The following ERICH1 variants were observed in gnomAD, a reference collection of about 807,000 sequenced individuals.
The protein encoded by ERICH1 is glutamate-rich protein 1.
In ERICH1, 56 loss-of-function variants were observed where a neutral mutation model predicts 39.6. The observed-to-expected ratio is 1.41, with a 90% CI of 1.14 to 1.77. The LOEUF is 1.77. ERICH1 is among the 40% of genes most tolerant of loss of function. The probability of loss-of-function intolerance (pLI) is 0.00; values close to 1 mark genes in which losing one functional copy is unlikely to be tolerated. For synonymous variants in ERICH1, 313 were observed against 223.6 expected (o/e 1.40, Z -3.57); for missense variants, 826 against 575.4 (o/e 1.44, Z -4.45).
intron 3 of ERICH1, among the ~76,000 whole-genome samples, chr8:648,120 C>T (rs1008596534): frequency 1.5e-5 from 1 of 67,172 alleles, no homozygotes; most frequent in African/African-American, 3.9e-5. Context: ...AAACAGGCTG[C>T]GAAGAGGCGA....
chr8:727,958 G>A (rs1432127413), intron 1 of ERICH1, among the ~76,000 whole-genome samples: 1 of 152,184 alleles, frequency 6.6e-6, no homozygotes, highest in Non-Finnish European at 1.5e-5. Context: ...AGGCGGTGAG[G>A]ACAGGCCTCA....
At chr8:622,796 AT>A (rs1159221707) in intron 3 of ERICH1, among the ~76,000 whole-genome samples, 4 of 151,970 alleles carry the variant, frequency 2.6e-5, no homozygotes, top group Non-Finnish European at 1.5e-5. Flanking sequence ...CTATAAAAAA[AT>A]TTTTTTAAAA....
chr8:649,761 A>G (rs556440126), intron 3 of ERICH1, among the ~76,000 whole-genome samples: 20 of 152,258 alleles, frequency 1.3e-4, no homozygotes, highest in African/African-American at 4.6e-4. Context: ...GAGCGCAGGC[A>G]CCATCCATCC....
intron 3 of ERICH1, among the ~76,000 whole-genome samples, chr8:655,533 C>T (rs900073205): frequency 2.0e-5 from 3 of 152,200 alleles, no homozygotes; most frequent in African/African-American, 7.2e-5. Context: ...TTGCTGTGGT[C>T]AGTTGCTGGG....
intron 3 of ERICH1, among the ~76,000 whole-genome samples, chr8:692,008 C>G (rs547708707): frequency 6.6e-6 from 1 of 152,142 alleles, no homozygotes; most frequent in African/African-American, 2.4e-5. Flanking sequence ...GTACGACATG[C>G]AACAACAATA....
rs1177882256 is a variant in ERICH1 at position 687,740 on chromosome 8, G to C, written c.304+4738C>G. ...CTGCGGCCAGTGCCCGCCGCGCCCG[G>C]GGGAGCGCGCCAGGCCCGCGGGGCC... On this transcript the variant is annotated intron_variant, in intron 3 of 5. Coordinates refer to ENST00000262109, the MANE Select transcript of ERICH1 (RefSeq NM_207332.3). Among the ~76,000 whole-genome samples the C allele has an allele frequency of 2.0e-5, 3 of 152,152 alleles. 1 individual carries two copies. Among genetic ancestry groups the C allele is most frequent in the South Asian group, 4.1e-4 (2 of 4,832 alleles).
At chr8:664,005 T>A (rs557564866), downstream of ERICH1, among the ~76,000 whole-genome samples, 2 of 152,278 alleles carry the variant, frequency 1.3e-5, no homozygotes, top group South Asian at 4.1e-4. Flanking sequence ...GTGATCCGCC[T>A]GCCTCGGTCT....
intron 3 of ERICH1, among the ~76,000 whole-genome samples, chr8:636,044 G>A (rs1798411166): frequency 6.6e-6 from 1 of 152,240 alleles, no homozygotes; most frequent in African/African-American, 2.4e-5. Context: ...GAGGCTGTGG[G>A]CTCCTTCATG....
At chr8:641,230 A>G (rs1290820314) in intron 3 of ERICH1, 4 of 152,206 alleles carry the variant, frequency 2.6e-5, no homozygotes, top group Non-Finnish European at 5.9e-5. Context: ...TTGGTTTTAC[A>G]AATTTCCTTA....
chr8:664,828 T>C (rs1801947351), intron 5 of ERICH1, 152 bp from the exon 6 acceptor site: 2 of 601,596 alleles, frequency 3.3e-6, no homozygotes, highest in South Asian at 2.2e-5. Flanking sequence ...ATGTTGAAAG[T>C]GACACATTAT....
rs541637515 is a variant in ERICH1 at position 719,081 on chromosome 8, G to A, written c.23-3074C>T. Among the ~76,000 whole-genome samples the A allele has an allele frequency of 3.9e-5, 6 of 152,236 alleles. No homozygotes were observed. In the East Asian group the frequency reaches 9.7e-4, roughly 25 times the overall value. On this transcript the variant is annotated intron_variant, in intron 1 of 5. Transcript: ENST00000262109. Reference sequence around the variant, plus strand: ...GCAGGTCCCAGACTCACCTCCCACCGGGAGCCCAGGCCCTGGGGCCACTGC... The same window carrying A: ...GCAGGTCCCAGACTCACCTCCCACCAGGAGCCCAGGCCCTGGGGCCACTGC...
At chr8:634,172 A>AC (rs1420445688) in intron 3 of ERICH1, among the ~76,000 whole-genome samples, 253 of 77,134 alleles carry the variant, frequency 3.3e-3, no homozygotes, top group African/African-American at 0.017. Context: ...AAAACTCAAA[A>AC]AAAAAAAAAA....
intron 1 of ERICH1, among the ~76,000 whole-genome samples, chr8:723,544 C>T (rs890815466): frequency 5.3e-5 from 8 of 152,206 alleles, no homozygotes; most frequent in African/African-American, 1.7e-4. Context: ...ACTAAAACCA[C>T]AAAACACACA....
intron 3 of ERICH1, among the ~76,000 whole-genome samples, chr8:630,698 G>T (rs867744135): frequency 1.6e-5 from 1 of 63,564 alleles, no homozygotes; most frequent in African/African-American, 6.0e-5. Flanking sequence ...GCACCCACAC[G>T]GACAGAGCTG....
chr8:685,901 T>G (rs774961780), intron 3 of ERICH1, among the ~76,000 whole-genome samples: 2 of 151,782 alleles, frequency 1.3e-5, no homozygotes, highest in Non-Finnish European at 2.9e-5. Flanking sequence ...TTCCAGCAAT[T>G]TGGGAGGCCA....
At chr8:663,328 G>T (rs1801711988), downstream of ERICH1, among the ~76,000 whole-genome samples, 1 of 152,206 alleles carries the variant, frequency 6.6e-6, no homozygotes, top group Non-Finnish European at 1.5e-5. Flanking sequence ...ACAGACAGAA[G>T]AGGACAGCAA....
At chr8:720,032 C>T (rs914621447) in intron 1 of ERICH1, among the ~76,000 whole-genome samples, 1 of 152,152 alleles carries the variant, frequency 6.6e-6, no homozygotes, top group Non-Finnish European at 1.5e-5. Flanking sequence ...CCAAGAAGAC[C>T]AACATTTAGA....
chr8:681,356 G>A (rs1265333441), intron 3 of ERICH1, among the ~76,000 whole-genome samples: 1 of 152,332 alleles, frequency 6.6e-6, no homozygotes, highest in East Asian at 1.9e-4. Context: ...CTCTAACTCT[G>A]TCTTATTTAA....
At chr8:621,291 T>C (rs922017812) in intron 3 of ERICH1, among the ~76,000 whole-genome samples, 21 of 152,142 alleles carry the variant, frequency 1.4e-4, no homozygotes, top group Non-Finnish European at 2.8e-4. Flanking sequence ...GGAAAAGTTA[T>C]AGCTATACAT....
Sources: allele counts gnomAD v4.1 joint callset (sites outside exome capture counted in the v4.1 genomes callset), GRCh38; gene constraint gnomAD v4.1.1; transcripts MANE v1.5; gene names NCBI Gene and HGNC (gene_info 2026-07-23, HGNC 2026-07-21).